RPS6KA4: variants seen among roughly 807,000 people sequenced by gnomAD.
RPS6KA4 encodes ribosomal protein S6 kinase A4.
RPS6KA4 carries 38 observed loss-of-function variants against 89.6 expected under a neutral mutation model. The observed-to-expected ratio is 0.42, with a 90% CI of 0.33 to 0.56. RPS6KA4 has a LOEUF of 0.56. RPS6KA4 is among the 20% of genes least tolerant of loss of function. The pLI is 0.07. For synonymous variants in RPS6KA4, 495 were observed against 492.8 expected (o/e 1.00, Z -0.06); for missense variants, 873 against 1,098.8 (o/e 0.79, Z 2.90).
At chr11:64,365,905 G>A (rs1174098743) in intron 9 of RPS6KA4, among the ~76,000 whole-genome samples, 2 of 152,028 alleles carry the variant, frequency 1.3e-5, no homozygotes, top group Non-Finnish European at 1.5e-5. Context: ...TGGATGTGGT[G>A]GTATGCGCCT....
intron 12 of RPS6KA4, 109 bp from the exon 13 acceptor site, chr11:64,369,337 G>T: frequency 8.5e-7 from 1 of 1,172,370 alleles, no homozygotes; most frequent in Middle Eastern, 3.0e-4. Flanking sequence ...TTGAGGAGGG[G>T]GTTCTCGAAC....
chr11:64,359,321 G>A lies in RPS6KA4; in HGVS notation c.55+31G>A, dbSNP rs1468542455. The A allele has an allele frequency of 5.0e-6, 8 of 1,604,820 alleles. No homozygotes were observed. In the South Asian group the frequency reaches 6.7e-5, roughly 13 times the overall value. On this transcript the variant is annotated intron_variant, in intron 1 of 16. Coordinates refer to ENST00000334205, the MANE Select transcript of RPS6KA4 (RefSeq NM_003942.3). ...TGTGGGGCCTGACTGCGGCTGCCCG[G>A]GGCAGGCCGGGACGGGTCATGGACC... is the stretch of plus-strand genomic sequence containing the variant.
At position 64,360,548 on chromosome 11, in the gene RPS6KA4, G is replaced by C. The variant is rs746032255; in HGVS notation, c.418G>C (p.Val140Leu). ...RQYFKEAEVR[V>L]YGGEIVLALE... is the part of the protein sequence containing the mutation. ...GTACTTCAAGGAGGCTGAGGTGCGC[G>C]TGTATGGGGGTGAGATCGTGCTGGC... The change falls in exon 4 of 17, where the codon GTG (valine) becomes CTG (leucine). Residue 140 changes from valine (V) to leucine (L), a missense_variant. This residue lies in a region of RPS6KA4 where 542 missense variants were observed against 736.4 expected (regional missense o/e 0.74). Coordinates refer to ENST00000334205, the MANE Select transcript of RPS6KA4 (RefSeq NM_003942.3). 50 of 1,612,076 alleles carry C rather than the reference G, an allele frequency of 3.1e-5. No homozygotes were observed. In the South Asian group the frequency reaches 3.8e-4, roughly 12 times the overall value.
At chr11:64,360,070 C>T in intron 2 of RPS6KA4, 93 bp from the exon 3 acceptor site, 2 of 1,231,112 alleles carry the variant, frequency 1.6e-6, no homozygotes, top group Non-Finnish European at 2.2e-6. Context: ...GCCTCATTTG[C>T]ACACCCTCCT....
intron 3 of RPS6KA4, 39 bp from the exon 4 acceptor site, chr11:64,360,438 C>A: frequency 6.3e-7 from 1 of 1,592,232 alleles, no homozygotes; most frequent in South Asian, 1.1e-5. Flanking sequence ...GCGAGGCCAC[C>A]TGACGGGGCT....
Position 64,361,909 on chromosome 11 carries a change from C to T in RPS6KA4, c.813C>T (p.Asp271=). The change falls in exon 8 of 17, where the codon GAC becomes GAT. Residue 271 remains aspartate, a synonymous_variant. Transcript: ENST00000334205. This position sits in a 1 kb window ranked among gnomAD's most constrained non-coding sequence, Gnocchi z 4.7. ...FPPRIGPVAQ[D]LLQRLLCKDP... ...CTCGGATCGGGCCCGTGGCGCAGGA[C>T]CTGCTGCAGCGGCTGCTTTGTAAGG... 1 of 1,613,136 alleles carries T rather than the reference C, an allele frequency of 6.2e-7. No homozygotes were observed. Among genetic ancestry groups the T allele is most frequent in the Non-Finnish European group, 8.5e-7 (1 of 1,179,860 alleles).
At chr11:64,365,854 C>G (rs895755935) in intron 9 of RPS6KA4, among the ~76,000 whole-genome samples, 2 of 152,034 alleles carry the variant, frequency 1.3e-5, no homozygotes, top group Non-Finnish European at 2.9e-5. Context: ...GCCTGGCCAA[C>G]ATGGGGAAAC....
At chr11:64,359,918 GC>G (rs2036696109) in intron 2 of RPS6KA4, 1 of 574,906 alleles carries the variant, frequency 1.7e-6, no homozygotes, top group Admixed American at 3.3e-5. Context: ...CTCGCAGCAG[GC>G]CCCCTGGAGA....
chr11:64,369,367 C>G, intron 12 of RPS6KA4, 79 bp from the exon 13 acceptor site: 1 of 1,417,612 alleles, frequency 7.1e-7, no homozygotes, highest in Non-Finnish European at 9.3e-7. Flanking sequence ...GCCCGAAGGC[C>G]GGGGGCGGGG....
At position 64,361,580 on chromosome 11, in the gene RPS6KA4, G is replaced by A; in HGVS notation, c.651+31G>A. 6.2e-7 allele frequency: 1 copy of A among 1,613,704 alleles called. No individual in the cohort carries two copies. The highest frequency in any genetic ancestry group is 8.5e-7 in the Non-Finnish European group (1 of 1,179,846). On this transcript the variant is annotated intron_variant, in intron 6 of 16. Coordinates refer to ENST00000334205, the MANE Select transcript of RPS6KA4 (RefSeq NM_003942.3). The surrounding 1 kb of genome is among the most constrained non-coding windows in gnomAD (Gnocchi z 4.7). ...TTGGCAGGGAAGTGGGGCTGGGGGA[G>A]GTGGAAAGGTGGGGTGTGAGGCAGG...
chr11:64,371,185 T>C, intron 16 of RPS6KA4, 98 bp from the exon 17 acceptor site: 1 of 1,175,196 alleles, frequency 8.5e-7, no homozygotes, highest in Non-Finnish European at 1.2e-6. Context: ...GGCCTTGACC[T>C]AGGCGGCTGG....
At position 64,361,317 on chromosome 11, in the gene RPS6KA4, C is replaced by A; in HGVS notation, c.570+76C>A. 6.8e-7 allele frequency: 1 copy of A among 1,470,388 alleles called. No individual in the cohort carries two copies. Among genetic ancestry groups the A allele is most frequent in the Non-Finnish European group, 9.4e-7 (1 of 1,058,728 alleles). 91.1% of individuals were successfully genotyped at this position (1,470,388 alleles called of 1,614,324 possible). On this transcript the variant is annotated intron_variant, in intron 5 of 16. Coordinates refer to ENST00000334205, the MANE Select transcript of RPS6KA4 (RefSeq NM_003942.3). The surrounding 1 kb of genome is among the most constrained non-coding windows in gnomAD (Gnocchi z 4.7). ...CCTGCCTCTTCCTGCTCTGGGCCTGCATTCTGGGGCTGCAGAAGTGAATAG... is the reference window on the plus strand; with the variant it reads ...CCTGCCTCTTCCTGCTCTGGGCCTGAATTCTGGGGCTGCAGAAGTGAATAG...
chr11:64,367,753 A>T (rs955248876), intron 9 of RPS6KA4, among the ~76,000 whole-genome samples: 1 of 152,216 alleles, frequency 6.6e-6, no homozygotes, highest in African/African-American at 2.4e-5. Context: ...TCCGGCTTGA[A>T]AGGGAGGAAT....
chr11:64,359,524 T>A (rs2036683709), intron 2 of RPS6KA4, 75 bp downstream of exon 2: 1 of 1,512,356 alleles, frequency 6.6e-7, no homozygotes, highest in Non-Finnish European at 9.1e-7. Context: ...CTCTTGGGCC[T>A]GGGCCAGGCC....
intron 9 of RPS6KA4, among the ~76,000 whole-genome samples, chr11:64,365,912 G>A (rs767297407): frequency 8.6e-5 from 13 of 151,836 alleles, no homozygotes; most frequent in Non-Finnish European, 1.6e-4. Context: ...GGTGGTATGC[G>A]CCTGTAATCC....
At position 64,361,194 on chromosome 11, in the gene RPS6KA4, A is replaced by C. The variant is rs769380916; in HGVS notation, c.523A>C (p.Ile175Leu). ...ENVLLDSEGH[I>L]VLTDFGLSKE... ...TGTGCTGCTGGACTCCGAGGGCCAC[A>C]TTGTCCTCACGGACTTCGGGCTGAG... The change falls in exon 5 of 17, where the codon ATT becomes CTT. Residue 175 changes from isoleucine to leucine, a missense_variant. By Grantham distance (5) the Ile-to-Leu change is conservative. This residue lies in a region of RPS6KA4 where 542 missense variants were observed against 736.4 expected (regional missense o/e 0.74). Transcript: ENST00000334205. This position sits in a 1 kb window ranked among gnomAD's most constrained non-coding sequence, Gnocchi z 4.7. The C allele has an allele frequency of 6.2e-7, 1 of 1,613,430 alleles. No individual in the cohort carries two copies. The highest frequency in any genetic ancestry group is 1.7e-5 in the Admixed American group (1 of 60,014).
rs906332233 is a variant in RPS6KA4, at chr11:64,361,873, T to C, written c.777T>C (p.Pro259=). 1.9e-6 allele frequency: 3 copies of C among 1,612,198 alleles called. No homozygotes were observed. The African/African-American group carries it at 4.0e-5, about 22-fold the overall frequency. Residue 259 remains proline, a synonymous_variant, in exon 8 of 17, where the codon CCT becomes CCC. Coordinates refer to ENST00000334205, the MANE Select transcript of RPS6KA4 (RefSeq NM_003942.3). This position sits in a 1 kb window ranked among gnomAD's most constrained non-coding sequence, Gnocchi z 4.7. The part of the protein sequence containing the change: ...EVSRRILKCS[P]PFPPRIGPVA... Reference sequence around the variant, plus strand: ...CCAGACGGATCCTGAAGTGCTCCCCTCCCTTCCCCCCTCGGATCGGGCCCG... The same window carrying C: ...CCAGACGGATCCTGAAGTGCTCCCCCCCCTTCCCCCCTCGGATCGGGCCCG...
chr11:64,365,098 G>T (rs577533514), intron 8 of RPS6KA4, among the ~76,000 whole-genome samples: 2 of 152,164 alleles, frequency 1.3e-5, no homozygotes, highest in African/African-American at 2.4e-5. Context: ...ACTAAGTGTG[G>T]TGTCATGGTG....
In RPS6KA4 at chr11:64,361,681, C is replaced by T. The variant is rs2036754028; in HGVS notation, c.691C>T (p.Leu231=). The T allele has an allele frequency of 6.2e-7, 1 of 1,612,406 alleles. No homozygotes were observed. The highest frequency in any genetic ancestry group is 1.1e-5 in the South Asian group (1 of 91,060). Residue 231 remains leucine (L), a synonymous_variant, in exon 7 of 17, where the codon CTG becomes TTG. Coordinates refer to ENST00000334205, the MANE Select transcript of RPS6KA4 (RefSeq NM_003942.3). This position sits in a 1 kb window ranked among gnomAD's most constrained non-coding sequence, Gnocchi z 4.7. ...GAGCCTGGGCATCTTGCTCTTCGAG[C>T]TGCTGACGGGGGCCTCGCCCTTCAC... is the stretch of plus-strand genomic sequence containing the variant. ...WWSLGILLFE[L]LTGASPFTLE...
Sources: allele counts gnomAD v4.1 joint callset (sites outside exome capture counted in the v4.1 genomes callset), GRCh38; gene constraint gnomAD v4.1.1; regional missense constraint gnomAD v4.1.1; non-coding constraint Gnocchi (gnomAD v3.1); transcripts MANE v1.5; gene names NCBI Gene and HGNC (gene_info 2026-07-23, HGNC 2026-07-21).